Variants in ASIP observed in about 807,000 individuals in gnomAD.
ASIP encodes agouti-signaling protein.
A neutral mutation model predicts 10.3 loss-of-function variants in ASIP; 11 were observed. The observed-to-expected ratio is 1.07, with a 90% CI of 0.68 to 1.78. ASIP has a LOEUF of 1.78. Among genes scored for constraint, ASIP ranks in the 40% most tolerant of loss-of-function variants. The probability of loss-of-function intolerance (pLI) is 0.00; values close to 1 mark genes in which losing one functional copy is unlikely to be tolerated. For missense variants in ASIP, 180 were observed against 169.2 expected, an observed-to-expected ratio of 1.06 and a Z score of -0.35; for synonymous variants, 70 against 70.8, an observed-to-expected ratio of 0.99 and a Z score of 0.06.
chr20:34,226,455 C>T (rs775603679), intron 1 of ASIP, among the ~76,000 whole-genome samples: 2 of 152,186 alleles, frequency 1.3e-5, no homozygotes, highest in East Asian at 1.9e-4. Flanking sequence ...TGGGTTCAAG[C>T]GATTCTCCTG....
chr20:34,210,501 C>G (rs376051894), intron 1 of ASIP, among the ~76,000 whole-genome samples: 64 of 152,360 alleles, frequency 4.2e-4, no homozygotes, highest in African/African-American at 1.5e-3. Context: ...AGTGGCCAGA[C>G]CCCCATGCTT....
At chr20:34,215,174 G>A (rs1230412121) in intron 1 of ASIP, 21 of 1,599,284 alleles carry the variant, frequency 1.3e-5, no homozygotes, top group Middle Eastern at 1.9e-4. Context: ...GCTTCTTCCC[G>A]TAGAACTTCT....
intron 1 of ASIP, among the ~76,000 whole-genome samples, chr20:34,234,451 G>T (rs2035151028): frequency 6.6e-6 from 1 of 152,108 alleles, no homozygotes; most frequent in African/African-American, 2.4e-5. Context: ...CATCCAGTGG[G>T]CGCTATCAGC....
rs745507810 is a variant in ASIP at position 34,215,665 on chromosome 20, T to C, written c.-11+20905T>C. 16 of 1,457,954 alleles carry C rather than the reference T, an allele frequency of 1.1e-5. No individual in the cohort carries two copies. In the Middle Eastern group the frequency reaches 5.2e-4, roughly 47 times the overall value. 90.3% of individuals were successfully genotyped at this position (1,457,954 alleles called of 1,614,324 possible). A position where few individuals can be genotyped will look rare whatever the true frequency, so the allele number is the denominator to read the frequency against. ...ATATGAGCGTCTCCCTAATTAGTTG[T>C]TGTTGAACAGTGGTTAGTTCTGAAT... On this transcript the variant is annotated intron_variant, in intron 1 of 3. Coordinates refer to the ASIP transcript ENST00000568305.
chr20:34,236,164 A>AAAAG (rs34632318), intron 1 of ASIP, among the ~76,000 whole-genome samples: 2,133 of 151,400 alleles, frequency 0.014, 61 homozygotes, highest in African/African-American at 0.049. Flanking sequence ...GGAGGGAGGG[A>AAAAG]AAAGAAAGAA....
In ASIP at chr20:34,262,341, T is replaced by C. The variant is rs115179229; in HGVS notation, c.161-491T>C. On this transcript the variant is annotated intron_variant, in intron 2 of 3. Transcript: ENST00000374954. ...GATAAGTAAGTTACCCACAGCCACA[T>C]AGTCATTATATTGGCAGAGTCAGGA... Among the ~76,000 whole-genome samples the C allele has an allele frequency of 8.7e-3, 1,324 of 152,280 alleles. 22 individuals are homozygous for C. Among genetic ancestry groups the C allele is most frequent in the African/African-American group, 0.03 (1,258 of 41,552 alleles).
At chr20:34,262,694 A>G in intron 2 of ASIP, 138 bp from the exon 3 acceptor site, 2 of 884,502 alleles carry the variant, frequency 2.3e-6, no homozygotes, top group Non-Finnish European at 3.7e-6. Flanking sequence ...CTTGAGTCCT[A>G]CAGTGTGACT....
intron 1 of ASIP, among the ~76,000 whole-genome samples, chr20:34,259,439 G>A (rs1458007572): frequency 6.6e-6 from 1 of 151,916 alleles, no homozygotes; most frequent in Non-Finnish European, 1.5e-5. Flanking sequence ...CTTGAACCTG[G>A]GAGGAGGAGG....
intron 3 of ASIP, among the ~76,000 whole-genome samples, chr20:34,266,276 C>T (rs553128888): frequency 2.0e-5 from 3 of 151,802 alleles, no homozygotes; most frequent in East Asian, 3.9e-4. Context: ...GGCGTGAACC[C>T]GGGAGGCAGA....
At chr20:34,207,609 C>T (rs2034945892) in intron 1 of ASIP, among the ~76,000 whole-genome samples, 1 of 152,158 alleles carries the variant, frequency 6.6e-6, no homozygotes, top group South Asian at 2.1e-4. Context: ...CCAGGACCAA[C>T]ATCCTCAAGC....
rs1169234741 is a variant in ASIP at position 34,200,725 on chromosome 20, C to T, written c.-11+5965C>T. Among the ~76,000 whole-genome samples, 4 of 152,222 alleles carry T rather than the reference C, an allele frequency of 2.6e-5. No individual in the cohort carries two copies. The East Asian group carries it at 7.7e-4, about 29-fold the overall frequency. ...TATTTGGGAGAAACAGGGAAGGGTG[C>T]ACTTACTAGCAACCTAAGAATAATT... On this transcript the variant is annotated intron_variant, in intron 1 of 3. Transcript: ENST00000568305.
chr20:34,198,336 G>A (rs915255306), intron 1 of ASIP, among the ~76,000 whole-genome samples: 2 of 151,750 alleles, frequency 1.3e-5, no homozygotes, highest in Admixed American at 1.3e-4. Flanking sequence ...GTGATCTGCC[G>A]ACATCAGGCT....
chr20:34,241,172 T>C (rs1039947216), upstream of ASIP, among the ~76,000 whole-genome samples: 2 of 152,228 alleles, frequency 1.3e-5, no homozygotes, highest in Admixed American at 6.5e-5. Context: ...TCTCTAAGTT[T>C]AACTTTTATA....
upstream of ASIP, among the ~76,000 whole-genome samples, chr20:34,238,745 C>A (rs2035243683): frequency 2.0e-5 from 3 of 152,072 alleles, no homozygotes; most frequent in African/African-American, 7.2e-5. Context: ...GAAAACTAGA[C>A]ATTTTAGTTT....
chr20:34,202,635 A>G (rs1412404275), intron 1 of ASIP, among the ~76,000 whole-genome samples: 3 of 151,966 alleles, frequency 2.0e-5, no homozygotes, highest in African/African-American at 7.3e-5. Flanking sequence ...TCTATCTAAT[A>G]TGTGTGTGTT....
At chr20:34,261,972 G>A (rs776555201) in intron 2 of ASIP, among the ~76,000 whole-genome samples, 6 of 151,908 alleles carry the variant, frequency 3.9e-5, no homozygotes, top group Non-Finnish European at 5.9e-5. Flanking sequence ...AATTAGCCAG[G>A]TGTGGTGGTA....
chr20:34,194,525 G>C (rs1444948162), upstream of ASIP: 5 of 131,286 alleles, frequency 3.8e-5, no homozygotes, highest in Non-Finnish European at 8.3e-5. Context: ...TGTTTCAAAG[G>C]AAAAAAAAAA....
chr20:34,194,523 AG>A (rs2034842247), upstream of ASIP: 1 of 146,536 alleles, frequency 6.8e-6, no homozygotes, highest in Admixed American at 6.7e-5. Flanking sequence ...TCTGTTTCAA[AG>A]GAAAAAAAAA....
intron 1 of ASIP, among the ~76,000 whole-genome samples, chr20:34,206,221 T>G (rs773851164): frequency 5.9e-5 from 9 of 152,208 alleles, no homozygotes; most frequent in Non-Finnish European, 8.8e-5. Flanking sequence ...GGTCTTGAAC[T>G]CCTGGCCTCA....
Sources: gnomAD v4.1 joint callset for allele counts (sites outside exome capture counted in the v4.1 genomes callset) on GRCh38, gnomAD v4.1.1 for gene constraint, MANE v1.5 for transcripts, NCBI Gene and HGNC (gene_info 2026-07-23, HGNC 2026-07-21) for gene names.